KIAA1671: variants seen among roughly 807,000 people sequenced by gnomAD.
KIAA1671 encodes the protein uncharacterized protein KIAA1671.
KIAA1671 carries 52 observed loss-of-function variants against 131.2 expected under a neutral mutation model. That is an observed-to-expected ratio of 0.40 (90% CI 0.32 to 0.50). KIAA1671 has a LOEUF of 0.50. Ranked by LOEUF, KIAA1671 falls within the 20% of genes least tolerant of loss-of-function variation. The pLI is 0.73. For missense variants in KIAA1671, 2,360 were observed against 2,364.2 expected, an observed-to-expected ratio of 1.00 and a Z score of 0.04; for synonymous variants, 1,003 against 961.6, an observed-to-expected ratio of 1.04 and a Z score of -0.80.
At chr22:24,977,271 A>G (rs369699737) in intron 1 of KIAA1671, among the ~76,000 whole-genome samples, 1 of 152,208 alleles carries the variant, frequency 6.6e-6, no homozygotes, top group Admixed American at 6.5e-5. Context: ...TGACAGCGCA[A>G]TGGAGGCAGG....
rs982929799 is a variant in KIAA1671 at position 25,039,414 on chromosome 22, C to T, written c.2284C>T (p.Leu762Phe). 6.4e-7 allele frequency: 1 copy of T among 1,551,700 alleles called. No individual in the cohort carries two copies. The highest frequency in any genetic ancestry group is 8.7e-7 in the Non-Finnish European group (1 of 1,147,030). ...PEEKAVTLRS[L>F]RSWLSLKDRQ... ...GGAGAAAGCGGTCACGCTCCGCAGC[C>T]TCAGGTCTTGGCTCTCACTGAAGGA... The change falls in exon 5 of 13, where the codon CTC becomes TTC. Residue 762 changes from leucine (L) to phenylalanine (F), a missense_variant. Physicochemically the swap from Leu to Phe is conservative, Grantham distance 22. Transcript: ENST00000358431.
intron 6 of KIAA1671, among the ~76,000 whole-genome samples, chr22:25,118,863 CA>C (rs958173043): frequency 6.6e-6 from 1 of 152,154 alleles, no homozygotes; most frequent in Non-Finnish European, 1.5e-5. Context: ...TTCCAGACGC[CA>C]GGACTTTGCC....
chr22:24,994,374 C>A (rs1188022804), intron 1 of KIAA1671, among the ~76,000 whole-genome samples: 1 of 152,146 alleles, frequency 6.6e-6, no homozygotes, highest in Admixed American at 6.5e-5. Flanking sequence ...AGCAGGTTAC[C>A]TTGGGGAACA....
chr22:25,147,710 AT>A (rs1377965488), intron 6 of KIAA1671, among the ~76,000 whole-genome samples: 5 of 151,698 alleles, frequency 3.3e-5, no homozygotes, highest in African/African-American at 1.2e-4. Context: ...TCCCTGCCTC[AT>A]TTTTCTCCAC....
intron 6 of KIAA1671, among the ~76,000 whole-genome samples, chr22:25,068,671 C>G (rs377145607): frequency 6.6e-6 from 1 of 152,208 alleles, no homozygotes; most frequent in Non-Finnish European, 1.5e-5. Context: ...CTCCTGACCT[C>G]ATGATCTGCC....
At position 25,040,319 on chromosome 22, in the gene KIAA1671, TC is replaced by T; in HGVS notation, c.3191del (p.Pro1064LeufsTer4). 6.4e-7 allele frequency: 1 copy of T among 1,551,794 alleles called. No homozygotes were observed. Among genetic ancestry groups the T allele is most frequent in the Non-Finnish European group, 8.7e-7 (1 of 1,147,014 alleles). ...CTAGAAAAATCACTCCACCCTCGTC[TC>T]CTCATTCTTTAACATCCACTTTGGT... ...HSRKITPPSS[P>X]HSLTSTLVSL... On this transcript the variant is annotated frameshift_variant, in exon 5 of 13. Coordinates refer to ENST00000358431, the MANE Select transcript of KIAA1671 (RefSeq NM_001145206.2). LOFTEE classifies it high-confidence loss of function.
chr22:25,129,507 G>GAA (rs768667507), intron 6 of KIAA1671, among the ~76,000 whole-genome samples: 36 of 130,860 alleles, frequency 2.8e-4, no homozygotes, highest in African/African-American at 6.0e-4. Flanking sequence ...GACTCCATCT[G>GAA]AAAAAAAAAA....
At chr22:25,078,119 A>G (rs1929211736) in intron 6 of KIAA1671, among the ~76,000 whole-genome samples, 1 of 152,220 alleles carries the variant, frequency 6.6e-6, no homozygotes. Flanking sequence ...ATCTGACTCC[A>G]AAGCTAATTT....
At chr22:25,165,851 A>G (rs1328578959) in intron 6 of KIAA1671, among the ~76,000 whole-genome samples, 1 of 151,116 alleles carries the variant, frequency 6.6e-6, no homozygotes, top group Non-Finnish European at 1.5e-5. Flanking sequence ...GGGGAGGGAA[A>G]TGGGGCTGGA....
At chr22:25,005,952 A>T (rs1924727344) in intron 1 of KIAA1671, among the ~76,000 whole-genome samples, 1 of 152,216 alleles carries the variant, frequency 6.6e-6, no homozygotes, top group Non-Finnish European at 1.5e-5. Context: ...CTCCAACAGC[A>T]TACCTAGCAT....
chr22:24,958,341 G>A (rs1450577745), intron 1 of KIAA1671, among the ~76,000 whole-genome samples: 3 of 151,996 alleles, frequency 2.0e-5, no homozygotes, highest in Non-Finnish European at 2.9e-5. Flanking sequence ...GCAACATAGC[G>A]AGACTGTCTC....
In KIAA1671 at chr22:25,187,339, T is replaced by C. The variant is rs566034805; in HGVS notation, c.5342+2220T>C. On this transcript the variant is annotated intron_variant, in intron 11 of 12. Transcript: ENST00000358431. ...TGTGCAAAGACCATGACTGTTGATA[T>C]CTGGGCATCTCTCCTTCCATTTTCT... 5.3e-5 allele frequency among the ~76,000 whole-genome samples: 8 copies of C among 152,364 alleles called. No homozygotes were observed. In the East Asian group the frequency reaches 1.5e-3, roughly 29 times the overall value.
At chr22:25,117,372 G>A (rs1208191336) in intron 6 of KIAA1671, among the ~76,000 whole-genome samples, 1 of 152,060 alleles carries the variant, frequency 6.6e-6, no homozygotes, top group Non-Finnish European at 1.5e-5. Context: ...TCACAGGACT[G>A]GGGATCCATG....
intron 6 of KIAA1671, among the ~76,000 whole-genome samples, chr22:25,099,804 C>T (rs1333681016): frequency 6.6e-6 from 1 of 152,082 alleles, no homozygotes; most frequent in East Asian, 1.9e-4. Flanking sequence ...TGAGCCACCG[C>T]ACCTGGCCAA....
At position 25,196,980 on chromosome 22, in the gene KIAA1671, A is replaced by G. The variant is rs1934849195; in HGVS notation, c.*4579A>G. ...CACACACAGAGACACACACACACAC[A>G]AGTATAGTATATATTTTCCTAACCT... On this transcript the variant is annotated 3_prime_UTR_variant, in exon 13 of 13. Coordinates refer to ENST00000358431, the MANE Select transcript of KIAA1671 (RefSeq NM_001145206.2). 2 of 152,134 alleles carry G rather than the reference A, an allele frequency of 1.3e-5. No individual in the cohort carries two copies. Among genetic ancestry groups the G allele is most frequent in the African/African-American group, 4.8e-5 (2 of 41,422 alleles). The allele number at this position is 152,134 out of a possible 1,614,324, so 9.4% of individuals were successfully genotyped here. A position where few individuals can be genotyped will look rare whatever the true frequency, so the allele number is the denominator to read the frequency against.
intron 1 of KIAA1671, among the ~76,000 whole-genome samples, chr22:24,958,976 G>A (rs1250486969): frequency 6.4e-5 from 7 of 109,838 alleles, no homozygotes; most frequent in Admixed American, 3.1e-4. Context: ...ACAAAACTTC[G>A]TATCAAAAAA....
intron 11 of KIAA1671, among the ~76,000 whole-genome samples, chr22:25,189,426 G>C (rs1228179571): frequency 6.6e-6 from 1 of 152,018 alleles, no homozygotes; most frequent in African/African-American, 2.4e-5. Flanking sequence ...GCCCAGCTCG[G>C]CCTCCCAAAG....
At chr22:24,983,066 C>T (rs1480207859) in intron 1 of KIAA1671, among the ~76,000 whole-genome samples, 2 of 152,118 alleles carry the variant, frequency 1.3e-5, no homozygotes, top group Admixed American at 1.3e-4. Context: ...AGCTGAGATC[C>T]CTTCTCTCTT....
chr22:25,160,474 A>G (rs1477379628), intron 6 of KIAA1671, among the ~76,000 whole-genome samples: 3 of 151,902 alleles, frequency 2.0e-5, no homozygotes, highest in Non-Finnish European at 4.4e-5. Context: ...TCTTGCTCCC[A>G]TCTCTGTCCT....
Sources: allele counts gnomAD v4.1 joint callset (sites outside exome capture counted in the v4.1 genomes callset), GRCh38; gene constraint gnomAD v4.1.1; transcripts MANE v1.5; gene names NCBI Gene and HGNC (gene_info 2026-07-23, HGNC 2026-07-21).